The following RPS6KB1 variants were observed in gnomAD, a reference collection of about 807,000 sequenced individuals.
RPS6KB1 encodes ribosomal protein S6 kinase beta-1.
A neutral mutation model predicts 70.2 loss-of-function variants in RPS6KB1; 12 were observed. The ratio of observed to expected loss-of-function variants is 0.17; its 90% confidence interval spans 0.11 to 0.28. The LOEUF (loss-of-function observed/expected upper bound fraction) is 0.28, where lower values mean the gene tolerates loss of function less well. Ranked by LOEUF, RPS6KB1 falls within the 10% of genes least tolerant of loss-of-function variation. The pLI is 1.00. For synonymous variants in RPS6KB1, 175 were observed against 211.2 expected, an observed-to-expected ratio of 0.83 and a Z score of 1.49; for missense variants, 270 against 646.6, an observed-to-expected ratio of 0.42 and a Z score of 6.32.
In RPS6KB1 at chr17:59,944,625, G is replaced by A. The variant is rs546597458; in HGVS notation, c.1228-781G>A. On this transcript the variant is annotated intron_variant, in intron 13 of 14. Coordinates refer to ENST00000225577, the MANE Select transcript of RPS6KB1 (RefSeq NM_003161.4). ...AAACGAATTCTGTCCAATCATTGGC[G>A]TAAAACCAGAAAGATCACAAGATCT... Among the ~76,000 whole-genome samples, 4 of 152,088 alleles carry A rather than the reference G, an allele frequency of 2.6e-5. No individual in the cohort carries two copies. In the South Asian group the frequency reaches 6.2e-4, roughly 24 times the overall value.
At chr17:59,919,348 G>A (rs946266782) in intron 4 of RPS6KB1, among the ~76,000 whole-genome samples, 2 of 152,260 alleles carry the variant, frequency 1.3e-5, no homozygotes, top group East Asian at 3.9e-4. Context: ...AGCTGGTTTG[G>A]GGGCGCTGAG....
At chr17:59,902,992 G>C (rs1480129408) in intron 1 of RPS6KB1, among the ~76,000 whole-genome samples, 1 of 151,960 alleles carries the variant, frequency 6.6e-6, no homozygotes, top group Admixed American at 6.6e-5. Context: ...ACCGGCCTGG[G>C]CAACGTGATG....
At chr17:59,903,472 C>G (rs1348017966) in intron 1 of RPS6KB1, among the ~76,000 whole-genome samples, 1 of 151,722 alleles carries the variant, frequency 6.6e-6, no homozygotes, top group Non-Finnish European at 1.5e-5. Context: ...GACACCCTGT[C>G]TCAAAAAGAA....
At chr17:59,935,415 T>G in intron 10 of RPS6KB1, 115 bp downstream of exon 10, 1 of 530,978 alleles carries the variant, frequency 1.9e-6, no homozygotes, top group Non-Finnish European at 3.3e-6. Flanking sequence ...AACAAAAAAG[T>G]CTTCAATTTT....
intron 1 of RPS6KB1, among the ~76,000 whole-genome samples, chr17:59,896,479 C>T (rs1393429893): frequency 6.6e-6 from 1 of 152,144 alleles, no homozygotes; most frequent in African/African-American, 2.4e-5. Context: ...GCCACCGCAC[C>T]CAGCCAGGTT....
chr17:59,934,666 A>G lies in RPS6KB1; in HGVS notation c.870+142A>G. 1.6e-6 allele frequency: 1 copy of G among 608,974 alleles called. No individual in the cohort carries two copies. The highest frequency in any genetic ancestry group is 2.9e-6 in the Non-Finnish European group (1 of 344,228). 37.7% of individuals were successfully genotyped at this position (608,974 alleles called of 1,614,324 possible). A position where few individuals can be genotyped will look rare whatever the true frequency, so the allele number is the denominator to read the frequency against. ...TTGTTATTAGCAGTTTAACACTAAT[A>G]ATGCTGTATGATTATATGGGATCCC... On this transcript the variant is annotated intron_variant, in intron 9 of 14. Coordinates refer to ENST00000225577, the MANE Select transcript of RPS6KB1 (RefSeq NM_003161.4). This position sits in a 1 kb window ranked among gnomAD's most constrained non-coding sequence, Gnocchi z 4.8.
At position 59,950,073 on chromosome 17, in the gene RPS6KB1, CTA is replaced by C. The variant is rs2045131211; in HGVS notation, c.*3287_*3288del. The C allele has an allele frequency of 6.6e-6, 1 of 152,538 alleles. No homozygotes were observed. Among genetic ancestry groups the C allele is most frequent in the African/African-American group, 2.4e-5 (1 of 41,452 alleles). 9.4% of individuals were successfully genotyped at this position (152,538 alleles called of 1,614,324 possible). On this transcript the variant is annotated 3_prime_UTR_variant, in exon 15 of 15. Transcript: ENST00000225577. The stretch of plus-strand genomic sequence containing the variant: ...AGTAGACACTAGCAAGCTGGACAAA[CTA>C]TCACAAAAGTATTTGTCACACATAA...
At position 59,934,502 on chromosome 17, in the gene RPS6KB1, T is replaced by C. The variant is rs1418112814; in HGVS notation, c.848T>C (p.Met283Thr). The C allele has an allele frequency of 6.2e-7, 1 of 1,613,558 alleles. No homozygotes were observed. The highest frequency in any genetic ancestry group is 8.5e-7 in the Non-Finnish European group (1 of 1,179,516). Residue 283 changes from methionine to threonine, a missense_variant, in exon 9 of 15, where the codon ATG becomes ACG. Met to Thr is a moderately conservative substitution (Grantham distance 81). Transcript: ENST00000225577. The surrounding 1 kb of genome is among the most constrained non-coding windows in gnomAD (Gnocchi z 4.8). ...AVDWWSLGALMYDMLTGAPPF... is the reference protein window; with the variant it reads ...AVDWWSLGALTYDMLTGAPPF... ...GATTGGTGGAGTTTGGGAGCATTAA[T>C]GTATGACATGCTGACTGGAGCAGTA...
At chr17:59,942,073 T>C (rs1188256964) in intron 13 of RPS6KB1, among the ~76,000 whole-genome samples, 2 of 151,874 alleles carry the variant, frequency 1.3e-5, no homozygotes, top group East Asian at 3.9e-4. Flanking sequence ...TTAGCCAGGA[T>C]AGTTTTGATC....
intron 7 of RPS6KB1, among the ~76,000 whole-genome samples, chr17:59,932,452 C>T (rs1442492063): frequency 1.3e-5 from 2 of 151,464 alleles, no homozygotes; most frequent in Non-Finnish European, 2.9e-5. Flanking sequence ...AGCTATGCTT[C>T]TTACAGTAGG....
At chr17:59,899,297 T>C (rs2526354) in intron 1 of RPS6KB1, among the ~76,000 whole-genome samples, 28,944 of 152,022 alleles carry the variant, frequency 0.19, 2,951 homozygotes, top group East Asian at 0.39. Flanking sequence ...TGTGTGAGCC[T>C]TCTAGAGGTA....
chr17:59,908,245 T>G (rs934647319), intron 1 of RPS6KB1, among the ~76,000 whole-genome samples: 2 of 151,558 alleles, frequency 1.3e-5, no homozygotes, highest in Non-Finnish European at 2.9e-5. Flanking sequence ...TAGGCTGGAG[T>G]GCAGTGGCGA....
intron 4 of RPS6KB1, among the ~76,000 whole-genome samples, chr17:59,920,483 G>T (rs961377429): frequency 1.9e-4 from 29 of 152,140 alleles, no homozygotes; most frequent in Non-Finnish European, 3.4e-4. Context: ...CAAATACTGT[G>T]ACCACAATTT....
At chr17:59,894,881 A>G (rs559614124) in intron 1 of RPS6KB1, among the ~76,000 whole-genome samples, 1 of 152,216 alleles carries the variant, frequency 6.6e-6, no homozygotes, top group Non-Finnish European at 1.5e-5. Context: ...CTGGGATTAT[A>G]GGCATAAACC....
chr17:59,917,868 T>C (rs2043047218), intron 4 of RPS6KB1, among the ~76,000 whole-genome samples: 1 of 152,244 alleles, frequency 6.6e-6, no homozygotes, highest in Non-Finnish European at 1.5e-5. Flanking sequence ...TTGGATCTCC[T>C]GGACCGATCA....
At chr17:59,909,898 G>C (rs964137559) in intron 1 of RPS6KB1, among the ~76,000 whole-genome samples, 1 of 152,230 alleles carries the variant, frequency 6.6e-6, no homozygotes, top group Non-Finnish European at 1.5e-5. Flanking sequence ...TGTAATCCCA[G>C]CTACTCGGAA....
chr17:59,911,330 G>A (rs1013638611), intron 2 of RPS6KB1, among the ~76,000 whole-genome samples: 11 of 152,222 alleles, frequency 7.2e-5, no homozygotes, highest in Non-Finnish European at 1.2e-4. Context: ...GCATTTAAAT[G>A]ACAGAGACAA....
intron 5 of RPS6KB1, among the ~76,000 whole-genome samples, chr17:59,926,875 T>C (rs1288775138): frequency 6.6e-6 from 1 of 152,086 alleles, no homozygotes; most frequent in African/African-American, 2.4e-5. Flanking sequence ...CAAATTGTAG[T>C]GGGGTAAGAT....
chr17:59,911,539 T>G (rs886365274), intron 2 of RPS6KB1, among the ~76,000 whole-genome samples: 2 of 51,750 alleles, frequency 3.9e-5, no homozygotes, highest in Admixed American at 1.9e-4. Context: ...TTTTGTTGGG[T>G]TTTTTTTTTT....
Sources: allele counts gnomAD v4.1 joint callset (sites outside exome capture counted in the v4.1 genomes callset), GRCh38; gene constraint gnomAD v4.1.1; non-coding constraint Gnocchi (gnomAD v3.1); transcripts MANE v1.5; gene names NCBI Gene and HGNC (gene_info 2026-07-23, HGNC 2026-07-21).